The following MAP2K2 variants were observed in gnomAD, a reference collection of about 807,000 sequenced individuals.
MAP2K2 encodes the protein mitogen-activated protein kinase kinase 2.
MAP2K2 carries 24 observed loss-of-function variants against 43.7 expected under a neutral mutation model. The observed-to-expected ratio is 0.55, with a 90% CI of 0.40 to 0.77. The LOEUF is 0.77. MAP2K2 is among the 30% of genes least tolerant of loss of function. The probability of loss-of-function intolerance (pLI) is 0.00; values close to 1 mark genes in which losing one functional copy is unlikely to be tolerated. For missense variants in MAP2K2, 470 were observed against 566.8 expected (o/e 0.83, Z 1.73); for synonymous variants, 244 against 239.7 (o/e 1.02, Z -0.17).
rs769762171 is a variant in MAP2K2, at chr19:4,110,530, G to T, written c.429C>A (p.Ile143=). 6.2e-7 allele frequency: 1 copy of T among 1,613,820 alleles called. No individual in the cohort carries two copies. The change falls in exon 3 of 11, where the codon ATC becomes ATA. Residue 143 remains isoleucine, a synonymous_variant. Transcript: ENST00000262948. ...FYGAFYSDGE[I]SICMEHMDGG... is the part of the protein sequence containing the mutation. ...TCACCATGTGTTCCATGCAAATGCT[G>T]ATCTCCCCGTCACTGTAGAAGGCCC...
rs1437414225 is a variant in MAP2K2 at position 4,101,814 on chromosome 19, G to A, written c.529-534C>T. On this transcript the variant is annotated intron_variant, in intron 4 of 10. Transcript: ENST00000262948. The surrounding 1 kb of genome is among the most constrained non-coding windows in gnomAD (Gnocchi z 6.3). Reference sequence around the variant, plus strand: ...CGGAAACGCGTGTCTGGCAGCATGCGTCCTGTGTCTTAATCCAACACTGGT... The same window carrying A: ...CGGAAACGCGTGTCTGGCAGCATGCATCCTGTGTCTTAATCCAACACTGGT... Among the ~76,000 whole-genome samples, 24 of 152,278 alleles carry A rather than the reference G, an allele frequency of 1.6e-4. No homozygotes were observed. Among genetic ancestry groups the A allele is most frequent in the Admixed American group, 1.4e-3 (22 of 15,298 alleles).
In MAP2K2 at chr19:4,102,458, A is replaced by G; in HGVS notation, c.451-5T>C. On this transcript the variant is annotated splice_region_variant and splice_polypyrimidine_tract_variant and intron_variant, in intron 3 of 10. Coordinates refer to ENST00000262948, the MANE Select transcript of MAP2K2 (RefSeq NM_030662.4). ...CTGGTCCAGGGAGCCGCCGTCCTAG[A>G]GGGCACACAAGGAGTGAGTGCAGGC... 1 of 1,592,180 alleles carries G rather than the reference A, an allele frequency of 6.3e-7. No homozygotes were observed. Among genetic ancestry groups the G allele is most frequent in the Non-Finnish European group, 8.6e-7 (1 of 1,169,314 alleles).
intron 7 of MAP2K2, among the ~76,000 whole-genome samples, chr19:4,097,560 TA>T (rs375415980): frequency 2.6e-5 from 4 of 151,814 alleles, no homozygotes; most frequent in Non-Finnish European, 4.4e-5. Flanking sequence ...TCTAGTGAAT[TA>T]AAAAAAAGGC....
intron 8 of MAP2K2, 62 bp downstream of exon 8, chr19:4,097,217 A>AAG (rs2040930843): frequency 2.5e-5 from 30 of 1,193,558 alleles, no homozygotes; most frequent in African/African-American, 4.7e-5. Context: ...AAAAAAAAAA[A>AAG]AAAAAAAAAA....
At chr19:4,102,329 CGT>C (rs1555697154) in intron 4 of MAP2K2, 45 bp downstream of exon 4, 36 of 1,482,198 alleles carry the variant, frequency 2.4e-5, no homozygotes, top group Non-Finnish European at 3.1e-5. Flanking sequence ...GGAAGAGGTC[CGT>C]GCAGAGTGCG....
At chr19:4,123,697 G>A (rs1399323928) in intron 1 of MAP2K2, 87 bp downstream of exon 1, 11 of 734,762 alleles carry the variant, frequency 1.5e-5, no homozygotes, top group Non-Finnish European at 2.0e-5. Flanking sequence ...TGCACTCCTC[G>A]CGAACCCCCG....
intron 1 of MAP2K2, among the ~76,000 whole-genome samples, chr19:4,121,704 A>G (rs1329729000): frequency 9.8e-6 from 1 of 102,126 alleles, no homozygotes; most frequent in Non-Finnish European, 2.0e-5. Flanking sequence ...GACCTCCCCC[A>G]GCAGAAACCC....
At chr19:4,095,693 G>C (rs935840919) in intron 8 of MAP2K2, among the ~76,000 whole-genome samples, 4 of 151,916 alleles carry the variant, frequency 2.6e-5, no homozygotes, top group Admixed American at 2.0e-4. Flanking sequence ...ACAACCTCTC[G>C]AGTGTCGTCA....
At chr19:4,121,284 A>C (rs1475342305) in intron 1 of MAP2K2, among the ~76,000 whole-genome samples, 1 of 151,704 alleles carries the variant, frequency 6.6e-6, no homozygotes, top group East Asian at 1.9e-4. Flanking sequence ...TCAGCCCCTC[A>C]CAAGGGTTTT....
intron 2 of MAP2K2, among the ~76,000 whole-genome samples, chr19:4,111,688 C>T (rs2076334954): frequency 1.3e-5 from 2 of 152,224 alleles, no homozygotes; most frequent in African/African-American, 4.8e-5. Flanking sequence ...TGGTGTGTGG[C>T]TCACGCCTGT....
At position 4,105,120 on chromosome 19, in the gene MAP2K2, CA is replaced by C. The variant is rs1219201103; in HGVS notation, c.451-2668del. Among the ~76,000 whole-genome samples the C allele has an allele frequency of 1.1e-4, 17 of 150,324 alleles. No individual in the cohort carries two copies. The East Asian group carries it at 3.3e-3, about 29-fold the overall frequency. Reference sequence around the variant, plus strand: ...TATTGCAGCTGTGTACTGCTGACCCCAAATCTCACTCTGTGCATGACCATAC... The same window carrying C: ...TATTGCAGCTGTGTACTGCTGACCCCAATCTCACTCTGTGCATGACCATAC... On this transcript the variant is annotated intron_variant, in intron 3 of 10. Transcript: ENST00000262948.
intron 8 of MAP2K2, among the ~76,000 whole-genome samples, chr19:4,096,925 C>T (rs1044875406): frequency 4.0e-5 from 6 of 151,502 alleles, no homozygotes; most frequent in African/African-American, 1.2e-4. Context: ...AGATGGGAGA[C>T]GCGACACACG....
At chr19:4,117,717 G>T in intron 1 of MAP2K2, 88 bp from the exon 2 acceptor site, 1 of 1,155,514 alleles carries the variant, frequency 8.7e-7, no homozygotes. Flanking sequence ...TCGGCCCCCA[G>T]GAGGACACAG....
chr19:4,118,670 C>T (rs2041257753), intron 1 of MAP2K2, among the ~76,000 whole-genome samples: 1 of 152,178 alleles, frequency 6.6e-6, no homozygotes, highest in African/African-American at 2.4e-5. Context: ...CACAGTGGCT[C>T]ATGCCTGTAG....
Position 4,102,406 on chromosome 19 carries a change from G to A in MAP2K2, c.498C>T (p.Pro166=), listed in dbSNP as rs139404261. The A allele has an allele frequency of 1.1e-3, 1,755 of 1,606,044 alleles. 3 individuals are homozygous for A. Among genetic ancestry groups the A allele is most frequent in the Non-Finnish European group, 1.4e-3 (1,619 of 1,177,190 alleles). ...DQVLKEAKRI[P]EEILGKVSIA... is the part of the protein sequence containing the mutation. ...TGCTGACTTTCCCCAGGATCTCCTC[G>A]GGAATCCTCTTGGCCTCTTTCAGCA... Residue 166 remains proline (P), a synonymous_variant, in exon 4 of 11, where the codon CCC becomes CCT. Transcript: ENST00000262948.
At position 4,099,262 on chromosome 19, in the gene MAP2K2, C is replaced by T. The variant is rs777709357; in HGVS notation, c.858G>A (p.Gly286=). The change falls in exon 7 of 11, where the codon GGG becomes GGA. Residue 286 remains glycine (G), a synonymous_variant. Transcript: ENST00000262948. ...AGATGCTGTGAGGCTCTCCTTCTTCCCCGTCGACCACGGGCCGGCCAAAGA... is the reference window on the plus strand; with the variant it reads ...AGATGCTGTGAGGCTCTCCTTCTTCTCCGTCGACCACGGGCCGGCCAAAGA... ...EAIFGRPVVD[G]EEGEPHSISP... 2.5e-6 allele frequency: 4 copies of T among 1,606,238 alleles called. No homozygotes were observed. Among genetic ancestry groups the T allele is most frequent in the Non-Finnish European group, 3.4e-6 (4 of 1,176,888 alleles).
Position 4,123,837 on chromosome 19 carries a change from G to A in MAP2K2, c.39C>T (p.Thr13=), listed in dbSNP as rs752951050. 8.4e-6 allele frequency: 13 copies of A among 1,541,054 alleles called. No individual in the cohort carries two copies. The highest frequency in any genetic ancestry group is 2.6e-5 in the East Asian group (1 of 38,686). ...ARRKPVLPAL[T]INPTIAEGPS... is the part of the protein sequence containing the mutation. The stretch of plus-strand genomic sequence containing the variant: ...GGCCCTCGGCGATGGTAGGGTTGAT[G>A]GTGAGCGCCGGCAGCACCGGCTTCC... Residue 13 remains threonine, a synonymous_variant, in exon 1 of 11, where the codon ACC becomes ACT. Transcript: ENST00000262948.
At chr19:4,107,523 CAAA>C (rs71166959) in intron 3 of MAP2K2, among the ~76,000 whole-genome samples, 586 of 59,298 alleles carry the variant, frequency 9.9e-3, no homozygotes, top group Middle Eastern at 0.029. Flanking sequence ...GACTCCGTCT[CAAA>C]AAAAAAAAAA....
rs543799897 is a variant in MAP2K2, at chr19:4,090,432, G to A, written c.*166C>T. 1.9e-5 allele frequency: 13 copies of A among 671,450 alleles called. 1 individual carries two copies. In the South Asian group the frequency reaches 2.0e-4, roughly 10 times the overall value. 41.6% of individuals were successfully genotyped at this position (671,450 alleles called of 1,614,324 possible). On this transcript the variant is annotated 3_prime_UTR_variant, in exon 11 of 11. Coordinates refer to ENST00000262948, the MANE Select transcript of MAP2K2 (RefSeq NM_030662.4). ...GGCACCCCGGCCAGGACGGGCAGGAGAGGAGACCCCCGTTCCTGCATGCGC... is the reference window on the plus strand; with the variant it reads ...GGCACCCCGGCCAGGACGGGCAGGAAAGGAGACCCCCGTTCCTGCATGCGC...
Sources: gnomAD v4.1 joint callset for allele counts (sites outside exome capture counted in the v4.1 genomes callset) on GRCh38, gnomAD v4.1.1 for gene constraint, Gnocchi (gnomAD v3.1) non-coding constraint, MANE v1.5 for transcripts, NCBI Gene and HGNC (gene_info 2026-07-23, HGNC 2026-07-21) for gene names.